Variants in RFX2 observed in about 807,000 individuals in gnomAD.
RFX2 encodes DNA-binding protein RFX2.
RFX2 carries 20 observed loss-of-function variants against 87.8 expected under a neutral mutation model. That is an observed-to-expected ratio of 0.23 (90% CI 0.16 to 0.33). The LOEUF is 0.33. Among genes scored for constraint, RFX2 ranks in the 10% least tolerant of loss-of-function variants. The pLI, the probability that RFX2 is intolerant of heterozygous loss-of-function variation, is 1.00. For missense variants in RFX2, 767 were observed against 1,012.3 expected (o/e 0.76, Z 3.29); for synonymous variants, 397 against 431.3 (o/e 0.92, Z 0.98).
rs559740875 is a variant in RFX2 at position 6,001,100 on chromosome 19, C to G, written c.1859+715G>C. Among the ~76,000 whole-genome samples the G allele has an allele frequency of 6.6e-5, 10 of 152,200 alleles. No individual in the cohort carries two copies. The highest frequency in any genetic ancestry group is 1.2e-4 in the Non-Finnish European group (8 of 68,048). On this transcript the variant is annotated intron_variant, in intron 15 of 17. Coordinates refer to ENST00000303657, the MANE Select transcript of RFX2 (RefSeq NM_000635.4). The surrounding 1 kb of genome is among the most constrained non-coding windows in gnomAD (Gnocchi z 5.6). ...TGATTTCCCTTCAGAGCTCTCAGGA[C>G]ATCGCTCTACTGCCTTCTGGGTTTC...
At position 6,002,886 on chromosome 19, in the gene RFX2, C is replaced by T. The variant is rs375534851; in HGVS notation, c.1501-16G>A. 2.2e-5 allele frequency: 35 copies of T among 1,596,726 alleles called. No individual in the cohort carries two copies. Among genetic ancestry groups the T allele is most frequent in the African/African-American group, 1.1e-4 (8 of 74,830 alleles). On this transcript the variant is annotated splice_polypyrimidine_tract_variant and intron_variant, in intron 13 of 17. Coordinates refer to ENST00000303657, the MANE Select transcript of RFX2 (RefSeq NM_000635.4). The surrounding 1 kb of genome is among the most constrained non-coding windows in gnomAD (Gnocchi z 6.7). Reference sequence around the variant, plus strand: ...CGACGCCCACCTGTAAGCCAGGGCTCGTGGTGAGCAGGGGTTCGCAGGGAG... The same window carrying T: ...CGACGCCCACCTGTAAGCCAGGGCTTGTGGTGAGCAGGGGTTCGCAGGGAG...
In RFX2 at chr19:5,994,901, G is replaced by A. The variant is rs2086383837; in HGVS notation, c.2106C>T (p.Arg702=). 6.2e-7 allele frequency: 1 copy of A among 1,610,000 alleles called. No homozygotes were observed. Among genetic ancestry groups the A allele is most frequent in the African/African-American group, 1.3e-5 (1 of 74,948 alleles). Residue 702 remains arginine, a synonymous_variant, in exon 18 of 18, where the codon CGC becomes CGT. Coordinates refer to ENST00000303657, the MANE Select transcript of RFX2 (RefSeq NM_000635.4). ...QRGSEAGPDA[R]SLGEPLVKRE... is the part of the protein sequence containing the mutation. ...GCTTTACCAGGGGCTCACCCAGGCT[G>A]CGGGCGTCTGGGCCCGCCTCGCTGC...
intron 12 of RFX2, among the ~76,000 whole-genome samples, chr19:6,005,887 G>C (rs1051521623): frequency 6.6e-6 from 1 of 152,172 alleles, no homozygotes; most frequent in Admixed American, 6.5e-5. Flanking sequence ...GTGGTCGTCT[G>C]CAAGACCAGG....
Position 6,100,128 on chromosome 19 carries a change from A to G in RFX2, c.-9+10265T>C, listed in dbSNP as rs2088095774. Among the ~76,000 whole-genome samples the G allele has an allele frequency of 2.0e-5, 3 of 152,238 alleles. No individual in the cohort carries two copies. The South Asian group carries it at 6.2e-4, about 31-fold the overall frequency. On this transcript the variant is annotated intron_variant, in intron 1 of 17. Coordinates refer to ENST00000303657, the MANE Select transcript of RFX2 (RefSeq NM_000635.4). ...TAAAGAAGGGTCTTGAGGGAAGAGT[A>G]GGATTTTCTTCAGTAGAAATGACAT...
In RFX2 at chr19:6,007,197, G is replaced by C; in HGVS notation, c.1248-31C>G. On this transcript the variant is annotated intron_variant, in intron 11 of 17. Coordinates refer to ENST00000303657, the MANE Select transcript of RFX2 (RefSeq NM_000635.4). The surrounding 1 kb of genome is among the most constrained non-coding windows in gnomAD (Gnocchi z 8.2). ...GAGGGAGGGGGGACAGGTGAGCTGT[G>C]GCCTGGCCCAGGTGGGCTCACTCAG... is the stretch of plus-strand genomic sequence containing the variant. The C allele has an allele frequency of 1.9e-6, 3 of 1,605,220 alleles. No homozygotes were observed. Among genetic ancestry groups the C allele is most frequent in the Non-Finnish European group, 2.6e-6 (3 of 1,174,766 alleles).
rs1056804321 is a variant in RFX2, at chr19:6,083,697, C to T, written c.-9+26696G>A. On this transcript the variant is annotated intron_variant, in intron 1 of 17. Coordinates refer to ENST00000303657, the MANE Select transcript of RFX2 (RefSeq NM_000635.4). The surrounding 1 kb of genome is among the most constrained non-coding windows in gnomAD (Gnocchi z 4.6). ...AAGTGATCCTCCTGCTCAGCTTCCC[C>T]AGAAGCTGAGACCACAGGTATGTGC... 1.3e-5 allele frequency among the ~76,000 whole-genome samples: 2 copies of T among 151,970 alleles called. No individual in the cohort carries two copies. The highest frequency in any genetic ancestry group is 4.8e-5 in the African/African-American group (2 of 41,366).
At chr19:6,093,794 A>G (rs1423013606) in intron 1 of RFX2, among the ~76,000 whole-genome samples, 1 of 152,198 alleles carries the variant, frequency 6.6e-6, no homozygotes, top group Admixed American at 6.5e-5. Context: ...CACGTGGTAC[A>G]AGGTGGATGA....
At chr19:6,018,922 G>A (rs773731045) in intron 6 of RFX2, among the ~76,000 whole-genome samples, 9 of 152,158 alleles carry the variant, frequency 5.9e-5, no homozygotes, top group African/African-American at 1.7e-4. Flanking sequence ...CTTGGATTCC[G>A]GTTCCCTGGC....
intron 5 of RFX2, among the ~76,000 whole-genome samples, chr19:6,029,492 A>G (rs995992113): frequency 1.3e-5 from 2 of 152,080 alleles, no homozygotes; most frequent in East Asian, 3.9e-4. Flanking sequence ...TGGATCACTT[A>G]AAGTCAGGAG....
At chr19:6,015,248 C>T (rs1048362183) in intron 7 of RFX2, among the ~76,000 whole-genome samples, 2 of 151,884 alleles carry the variant, frequency 1.3e-5, no homozygotes, top group Non-Finnish European at 2.9e-5. Flanking sequence ...GCCACCATGT[C>T]GAAACCCTGT....
rs1172204330 is a variant in RFX2, at chr19:5,997,964, C to G, written c.1860-751G>C. 6.6e-6 allele frequency among the ~76,000 whole-genome samples: 1 copy of G among 152,154 alleles called. No homozygotes were observed. Among genetic ancestry groups the G allele is most frequent in the Non-Finnish European group, 1.5e-5 (1 of 68,034 alleles). On this transcript the variant is annotated intron_variant, in intron 15 of 17. Coordinates refer to ENST00000303657, the MANE Select transcript of RFX2 (RefSeq NM_000635.4). This position sits in a 1 kb window ranked among gnomAD's most constrained non-coding sequence, Gnocchi z 4.2. ...GTCTTTCCTAGGATGGCTGCAAATACTACCTGGTTCTTTCTGGGAGAGGCG... is the reference window on the plus strand; with the variant it reads ...GTCTTTCCTAGGATGGCTGCAAATAGTACCTGGTTCTTTCTGGGAGAGGCG...
At chr19:6,109,978 C>T (rs2088280335) in intron 1 of RFX2, among the ~76,000 whole-genome samples, 1 of 151,142 alleles carries the variant, frequency 6.6e-6, no homozygotes, top group Non-Finnish European at 1.5e-5. Flanking sequence ...GTGCCCCCAA[C>T]TCAGAGATCT....
At chr19:6,077,755 G>A (rs538884069) in intron 1 of RFX2, among the ~76,000 whole-genome samples, 1 of 152,270 alleles carries the variant, frequency 6.6e-6, no homozygotes, top group Non-Finnish European at 1.5e-5. Context: ...GCTGAGGCGG[G>A]TGGATCACCT....
At chr19:6,052,184 T>C (rs2087274393) in intron 1 of RFX2, among the ~76,000 whole-genome samples, 1 of 152,188 alleles carries the variant, frequency 6.6e-6, no homozygotes, top group African/African-American at 2.4e-5. Flanking sequence ...CTGCAAACTC[T>C]GATCTTAAGA....
rs1035484476 is a variant in RFX2, at chr19:6,013,125, G to A, written c.780-20C>T. 1.9e-6 allele frequency: 3 copies of A among 1,571,302 alleles called. No homozygotes were observed. The highest frequency in any genetic ancestry group is 3.9e-5 in the Admixed American group (2 of 51,154). ...TTGCCCCTGGAAACCAAACATCCCA[G>A]GGTCAGCTCCCTTTGCAGATGTCCT... On this transcript the variant is annotated intron_variant, in intron 7 of 17. Coordinates refer to ENST00000303657, the MANE Select transcript of RFX2 (RefSeq NM_000635.4). The surrounding 1 kb of genome is among the most constrained non-coding windows in gnomAD (Gnocchi z 4.1).
Position 6,060,939 on chromosome 19 carries a change from A to G in RFX2, c.-8-13435T>C, listed in dbSNP as rs374671025. Among the ~76,000 whole-genome samples, 6 of 152,036 alleles carry G rather than the reference A, an allele frequency of 3.9e-5. No homozygotes were observed. In the South Asian group the frequency reaches 6.2e-4, roughly 16 times the overall value. On this transcript the variant is annotated intron_variant, in intron 1 of 17. Transcript: ENST00000303657. The stretch of plus-strand genomic sequence containing the variant: ...CGGCTCCCTTCTCCAGCTGCCTCCC[A>G]GACCTCTCTGCCTGGGCGCCCCTCA...
intron 6 of RFX2, among the ~76,000 whole-genome samples, chr19:6,018,565 C>T (rs2086762679): frequency 2.0e-5 from 3 of 152,138 alleles, no homozygotes; most frequent in African/African-American, 7.2e-5. Flanking sequence ...GGCTGAGTTC[C>T]ATTTTAGGAA....
At chr19:6,094,638 A>G (rs2087995131) in intron 1 of RFX2, among the ~76,000 whole-genome samples, 1 of 152,208 alleles carries the variant, frequency 6.6e-6, no homozygotes, top group Non-Finnish European at 1.5e-5. Context: ...AGCCAGGGCC[A>G]CACGTGGCTG....
rs976132123 is a variant in RFX2 at position 6,050,438 on chromosome 19, C to A, written c.-8-2934G>T. On this transcript the variant is annotated intron_variant, in intron 1 of 17. Coordinates refer to ENST00000303657, the MANE Select transcript of RFX2 (RefSeq NM_000635.4). The surrounding 1 kb of genome is among the most constrained non-coding windows in gnomAD (Gnocchi z 4.6). ...TAGCATTCAAGGACTAAAGCAGCTA[C>A]TAAAAATAACTTCAAGAACTTAAAG... 2.0e-5 allele frequency among the ~76,000 whole-genome samples: 3 copies of A among 152,128 alleles called. No homozygotes were observed. Among genetic ancestry groups the A allele is most frequent in the Non-Finnish European group, 2.9e-5 (2 of 68,016 alleles).
Sources: gnomAD v4.1 joint callset for allele counts (sites outside exome capture counted in the v4.1 genomes callset) on GRCh38, gnomAD v4.1.1 for gene constraint, Gnocchi (gnomAD v3.1) non-coding constraint, MANE v1.5 for transcripts, NCBI Gene and HGNC (gene_info 2026-07-23, HGNC 2026-07-21) for gene names.